FAM222B: variants seen among roughly 807,000 people sequenced by gnomAD.
FAM222B encodes protein FAM222B.
In FAM222B, 12 loss-of-function variants were observed where a neutral mutation model predicts 38.0. The observed-to-expected ratio is 0.32, with a 90% CI of 0.20 to 0.51. The LOEUF is 0.51. FAM222B is among the 20% of genes least tolerant of loss of function. FAM222B has a pLI of 0.97. For missense variants in FAM222B, 716 were observed against 754.2 expected, an observed-to-expected ratio of 0.95 and a Z score of 0.59; for synonymous variants, 329 against 317.2, an observed-to-expected ratio of 1.04 and a Z score of -0.40.
At chr17:28,761,695 G>A (rs375218757) in intron 2 of FAM222B, among the ~76,000 whole-genome samples, 2 of 152,104 alleles carry the variant, frequency 1.3e-5, no homozygotes, top group South Asian at 4.1e-4. Flanking sequence ...AGAGAGATTT[G>A]GGCCCATGCT....
intron 1 of FAM222B, among the ~76,000 whole-genome samples, chr17:28,788,483 C>A (rs758878896): frequency 6.6e-6 from 1 of 151,960 alleles, no homozygotes; most frequent in Non-Finnish European, 1.5e-5. Flanking sequence ...AGGCAATCTG[C>A]CTGCCTCGGC....
At chr17:28,833,591 C>T (rs1427066602) in intron 1 of FAM222B, among the ~76,000 whole-genome samples, 3 of 109,318 alleles carry the variant, frequency 2.7e-5, no homozygotes, top group Non-Finnish European at 5.1e-5. Context: ...CCAGCCTGGG[C>T]AACAGAGTGA....
In FAM222B at chr17:28,758,829, C is replaced by T; in HGVS notation, c.1130G>A (p.Cys377Tyr). 8 of 1,596,974 alleles carry T rather than the reference C, an allele frequency of 5.0e-6. No individual in the cohort carries two copies. The highest frequency in any genetic ancestry group is 6.8e-6 in the Non-Finnish European group (8 of 1,172,354). ...QHQLAHLQQMCSEASGTPAPG... is the reference protein window; with the variant it reads ...QHQLAHLQQMYSEASGTPAPG... ...GGCTGGCGTCCCACTAGCCTCGCTG[C>T]ACATCTGCTGTAGGTGGGCCAGCTG... is the stretch of plus-strand genomic sequence containing the variant. Residue 377 changes from cysteine (C) to tyrosine (Y), a missense_variant, in exon 3 of 3, where the codon TGC (cysteine) becomes TAC (tyrosine). Transcript: ENST00000581407.
At chr17:28,775,881 C>CAA (rs576335143) in intron 1 of FAM222B, among the ~76,000 whole-genome samples, 1 of 119,266 alleles carries the variant, frequency 8.4e-6, no homozygotes. Flanking sequence ...ACTCCATCTC[C>CAA]AAAAAAAAAA....
chr17:28,846,047 C>G (rs1420268525), upstream of FAM222B, among the ~76,000 whole-genome samples: 1 of 150,796 alleles, frequency 6.6e-6, no homozygotes, highest in Non-Finnish European at 1.5e-5. Flanking sequence ...ACTAAAAATA[C>G]AAAAAATTAG....
chr17:28,810,326 T>C (rs1300095799), intron 1 of FAM222B, among the ~76,000 whole-genome samples: 1 of 152,172 alleles, frequency 6.6e-6, no homozygotes. Context: ...CCCAGCTTCC[T>C]ATACCTTAGA....
chr17:28,784,843 CG>C (rs892219504), intron 1 of FAM222B, among the ~76,000 whole-genome samples: 6 of 151,788 alleles, frequency 4.0e-5, no homozygotes, highest in African/African-American at 1.5e-4. Context: ...CTCAACCTCC[CG>C]GGCTCAAGTG....
chr17:28,789,254 A>G (rs973202688), intron 1 of FAM222B, among the ~76,000 whole-genome samples: 10 of 147,566 alleles, frequency 6.8e-5, no homozygotes, highest in African/African-American at 2.5e-4. Context: ...TGGAGTGTGC[A>G]GTGGCGGAAT....
chr17:28,831,356 C>A (rs944962972), intron 1 of FAM222B, among the ~76,000 whole-genome samples: 1 of 151,068 alleles, frequency 6.6e-6, no homozygotes, highest in Non-Finnish European at 1.5e-5. Context: ...CTGCCAATAC[C>A]ACACTGTCTT....
intron 1 of FAM222B, among the ~76,000 whole-genome samples, chr17:28,830,371 G>A (rs556113299): frequency 5.3e-5 from 8 of 149,758 alleles, no homozygotes; most frequent in Non-Finnish European, 1.0e-4. Flanking sequence ...CGTGTTAGCC[G>A]GGATGGTCTT....
chr17:28,811,912 T>C (rs750638117), intron 1 of FAM222B, among the ~76,000 whole-genome samples: 1 of 152,130 alleles, frequency 6.6e-6, no homozygotes, highest in Non-Finnish European at 1.5e-5. Context: ...TTCTTTTTTT[T>C]AAATTACGGT....
At chr17:28,842,438 G>A (rs1177088077) in intron 1 of FAM222B, among the ~76,000 whole-genome samples, 2 of 152,116 alleles carry the variant, frequency 1.3e-5, no homozygotes, top group African/African-American at 4.8e-5. Context: ...TGGAGGAAGG[G>A]ATGATACAAA....
upstream of FAM222B, among the ~76,000 whole-genome samples, chr17:28,845,446 G>T (rs1463569447): frequency 6.6e-6 from 1 of 151,382 alleles, no homozygotes; most frequent in Non-Finnish European, 1.5e-5. Context: ...GGGCGTGGTG[G>T]TGGGCGCCTG....
intron 1 of FAM222B, among the ~76,000 whole-genome samples, chr17:28,774,958 A>AT (rs1381336367): frequency 2.0e-5 from 3 of 150,646 alleles, no homozygotes; most frequent in Non-Finnish European, 4.4e-5. Context: ...AATAAATTAA[A>AT]TAAATAAATA....
At chr17:28,789,700 G>A (rs1052869968) in intron 1 of FAM222B, among the ~76,000 whole-genome samples, 3 of 152,192 alleles carry the variant, frequency 2.0e-5, no homozygotes, top group African/African-American at 7.2e-5. Context: ...TCTAAATACT[G>A]CATTTTCCAT....
chr17:28,767,368 G>A (rs2035388616), intron 1 of FAM222B, among the ~76,000 whole-genome samples: 2 of 152,174 alleles, frequency 1.3e-5, no homozygotes, highest in Non-Finnish European at 2.9e-5. Context: ...ATGTTGGCCA[G>A]GCTGGTCTCG....
intron 1 of FAM222B, among the ~76,000 whole-genome samples, chr17:28,819,404 T>TTA (rs1445500038): frequency 6.6e-6 from 1 of 152,082 alleles, no homozygotes; most frequent in Non-Finnish European, 1.5e-5. Context: ...AAGTCAAAAA[T>TTA]TATATATATA....
intron 1 of FAM222B, among the ~76,000 whole-genome samples, chr17:28,800,119 C>T (rs1220846766): frequency 6.6e-6 from 1 of 152,012 alleles, no homozygotes; most frequent in Non-Finnish European, 1.5e-5. Flanking sequence ...GCAACCTCCG[C>T]CTCCCGCGTT....
intron 1 of FAM222B, chr17:28,849,708 C>T (rs1419494663): frequency 6.6e-6 from 1 of 152,058 alleles, no homozygotes; most frequent in Non-Finnish European, 1.5e-5. Flanking sequence ...AAAAAAATCA[C>T]TGTTTTCTCC....
Sources: gnomAD v4.1 joint callset for allele counts (sites outside exome capture counted in the v4.1 genomes callset) on GRCh38, gnomAD v4.1.1 for gene constraint, MANE v1.5 for transcripts, NCBI Gene and HGNC (gene_info 2026-07-23, HGNC 2026-07-21) for gene names.